UNC13C: variants seen among roughly 807,000 people sequenced by gnomAD.
UNC13C encodes protein unc-13 homolog C.
UNC13C carries 174 observed loss-of-function variants against 245.4 expected under a neutral mutation model. The ratio of observed to expected loss-of-function variants is 0.71; its 90% CI spans 0.63 to 0.80. The LOEUF is 0.80. UNC13C is among the 30% of genes least tolerant of loss of function. The probability of loss-of-function intolerance (pLI) is 0.00; values close to 1 mark genes in which losing one functional copy is unlikely to be tolerated. For missense variants in UNC13C, 2,829 were observed against 2,602.9 expected, an observed-to-expected ratio of 1.09 and a Z score of -1.89; for synonymous variants, 992 against 895.1, an observed-to-expected ratio of 1.11 and a Z score of -1.93.
intron 29 of UNC13C, among the ~76,000 whole-genome samples, chr15:54,560,062 A>G (rs1411044756): frequency 6.6e-6 from 1 of 152,008 alleles, no homozygotes; most frequent in Non-Finnish European, 1.5e-5. Context: ...ATAATTTCTA[A>G]AAAAAGAAAA....
intron 3 of UNC13C, 92 bp downstream of exon 3, chr15:54,143,132 T>C: frequency 7.9e-7 from 1 of 1,273,244 alleles, no homozygotes; most frequent in Admixed American, 1.8e-5. Context: ...ATTCCTCTGT[T>C]TTAGTTTTGA....
chr15:54,220,350 G>A (rs369640002), intron 4 of UNC13C, among the ~76,000 whole-genome samples: 25,871 of 144,254 alleles, frequency 0.18, 3,373 homozygotes, highest in African/African-American at 0.37. Context: ...GCAAGGACAA[G>A]GAACCAAACA....
At chr15:54,453,136 CA>C (rs1891275625) in intron 19 of UNC13C, among the ~76,000 whole-genome samples, 1 of 152,184 alleles carries the variant, frequency 6.6e-6, no homozygotes, top group South Asian at 2.1e-4. Flanking sequence ...GCACAGTCTC[CA>C]GGCAGCTTTC....
intron 24 of UNC13C, among the ~76,000 whole-genome samples, chr15:54,513,826 C>T (rs1894857191): frequency 1.3e-5 from 2 of 151,992 alleles, no homozygotes; most frequent in African/African-American, 2.4e-5. Context: ...TCTTTCCTTC[C>T]TCTCTTTACC....
At chr15:54,365,379 T>G (rs2039341068) in intron 17 of UNC13C, among the ~76,000 whole-genome samples, 1 of 152,186 alleles carries the variant, frequency 6.6e-6, no homozygotes, top group Non-Finnish European at 1.5e-5. Context: ...TTCCTCTTTT[T>G]TAAAAACCAC....
At chr15:54,371,951 T>C (rs145405241) in intron 17 of UNC13C, among the ~76,000 whole-genome samples, 27 of 151,890 alleles carry the variant, frequency 1.8e-4, no homozygotes, top group Non-Finnish European at 1.5e-4. Context: ...GGAGGGGAGA[T>C]TGGGGAGATC....
intron 13 of UNC13C, among the ~76,000 whole-genome samples, chr15:54,309,503 G>A (rs2037813188): frequency 6.6e-6 from 1 of 151,706 alleles, no homozygotes; most frequent in South Asian, 2.1e-4. Context: ...AAGCTTTTTA[G>A]GTTAATTCAA....
chr15:53,939,179 A>G, the UNC13C span, among the ~76,000 whole-genome samples: 63 of 152,278 alleles, frequency 4.1e-4, no homozygotes, highest in African/African-American at 1.4e-3. Context: ...CCACAGAAAT[A>G]CACACAACCA....
At chr15:53,906,560 G>C in the UNC13C span, among the ~76,000 whole-genome samples, 2 of 152,208 alleles carry the variant, frequency 1.3e-5, no homozygotes, top group Admixed American at 6.5e-5. Context: ...GGAACTGTCA[G>C]TCAGGATGTC....
intron 4 of UNC13C, among the ~76,000 whole-genome samples, chr15:54,150,020 C>A (rs553562044): frequency 6.6e-6 from 1 of 152,332 alleles, no homozygotes; most frequent in South Asian, 2.1e-4. Context: ...TGGAACTAAT[C>A]TCCTATGGAT....
chr15:54,613,888 G>A (rs999708341), intron 30 of UNC13C, among the ~76,000 whole-genome samples: 6 of 151,880 alleles, frequency 4.0e-5, no homozygotes, highest in African/African-American at 9.7e-5. Context: ...AGATCTTTCC[G>A]TTATGGAGCT....
chr15:54,463,582 G>T (rs1231283401), intron 19 of UNC13C, among the ~76,000 whole-genome samples: 1 of 152,030 alleles, frequency 6.6e-6, no homozygotes, highest in East Asian at 1.9e-4. Context: ...GCAAAGGTCT[G>T]CAGCTTCACT....
At chr15:54,038,124 A>AAATTTTTTTTTTTTTTT (rs1555406259) in intron 2 of UNC13C, among the ~76,000 whole-genome samples, 3 of 45,040 alleles carry the variant, frequency 6.7e-5, no homozygotes, top group Admixed American at 5.0e-4. Flanking sequence ...ATATATATAT[A>AAATTTTTTTTTTTTTTT]TTTTTTTTTT....
intron 1 of UNC13C, among the ~76,000 whole-genome samples, chr15:54,001,784 G>GGACACGGCACA (rs1239676243): frequency 2.4e-4 from 36 of 152,200 alleles, no homozygotes; most frequent in African/African-American, 7.9e-4. Flanking sequence ...TGCTCCGTGG[G>GGACACGGCACA]GACACGGCAC....
the UNC13C span, among the ~76,000 whole-genome samples, chr15:53,876,142 A>G: frequency 1.3e-5 from 2 of 152,196 alleles, no homozygotes; most frequent in African/African-American, 4.8e-5. Flanking sequence ...TGAATTATTC[A>G]TGATGACTTT....
intron 19 of UNC13C, among the ~76,000 whole-genome samples, chr15:54,460,192 G>A (rs900432869): frequency 2.6e-5 from 4 of 152,204 alleles, no homozygotes; most frequent in African/African-American, 7.2e-5. Flanking sequence ...TAGGGCTACT[G>A]AGCTCTGGGC....
the UNC13C span, among the ~76,000 whole-genome samples, chr15:53,881,070 TGA>T: frequency 1.3e-5 from 2 of 152,328 alleles, 1 homozygote; most frequent in South Asian, 4.1e-4. Context: ...GCAGTGTGTG[TGA>T]GCCACAGAAA....
At chr15:54,149,697 ACT>A (rs2032434408) in intron 4 of UNC13C, among the ~76,000 whole-genome samples, 1 of 152,086 alleles carries the variant, frequency 6.6e-6, no homozygotes, top group Non-Finnish European at 1.5e-5. Context: ...ATTTTTAATG[ACT>A]CTTGTTTTTC....
At chr15:54,524,515 C>T (rs752071748) in intron 24 of UNC13C, among the ~76,000 whole-genome samples, 1 of 152,168 alleles carries the variant, frequency 6.6e-6, no homozygotes, top group Non-Finnish European at 1.5e-5. Context: ...TTAGTCACAT[C>T]AGGACAACTT....
Sources: allele counts gnomAD v4.1 joint callset (sites outside exome capture counted in the v4.1 genomes callset), GRCh38; gene constraint gnomAD v4.1.1; transcripts MANE v1.5; gene names NCBI Gene and HGNC (gene_info 2026-07-23, HGNC 2026-07-21).